Variants in TP73 observed in about 807,000 individuals in gnomAD.
TP73 encodes p53-like transcription factor.
A neutral mutation model predicts 62.5 loss-of-function variants in TP73; 25 were observed. That is an observed-to-expected ratio of 0.40 (90% confidence interval 0.29 to 0.56). The LOEUF is 0.56. Ranked by LOEUF, TP73 falls within the 20% of genes least tolerant of loss-of-function variation. The pLI, the probability that TP73 is intolerant of heterozygous loss-of-function variation, is 0.46. For missense variants in TP73, 754 were observed against 913.3 expected (o/e 0.83, Z 2.25); for synonymous variants, 423 against 377.5 (o/e 1.12, Z -1.40).
intron 12 of TP73, 71 bp from the exon 13 acceptor site, chr1:3,731,392 C>G (rs1570653815): frequency 2.0e-6 from 3 of 1,495,336 alleles, no homozygotes; most frequent in East Asian, 4.5e-5. Context: ...AGGCCACTCT[C>G]AGAGATGGGG....
rs1027903182 is a variant in TP73 at position 3,663,698 on chromosome 1, A to AC, written c.-34+11057_-34+11058insC. On this transcript the variant is annotated intron_variant, in intron 1 of 13. Coordinates refer to ENST00000378295, the MANE Select transcript of TP73 (RefSeq NM_005427.4). The surrounding 1 kb of genome is among the most constrained non-coding windows in gnomAD (Gnocchi z 4.7). ...GCAACAATGCGAGACTCCATCTCAA[A>AC]AAAAAAAAAAAAGAAAGAAAGAAAG... 7.6e-4 allele frequency among the ~76,000 whole-genome samples: 107 copies of AC among 141,560 alleles called. No individual in the cohort carries two copies. The highest frequency in any genetic ancestry group is 3.6e-3 in the Middle Eastern group (1 of 280). 92.9% of individuals were successfully genotyped at this position (141,560 alleles called of 152,430 possible).
At chr1:3,675,674 C>A (rs986663307) in intron 1 of TP73, among the ~76,000 whole-genome samples, 1 of 152,152 alleles carries the variant, frequency 6.6e-6, no homozygotes, top group Non-Finnish European at 1.5e-5. Flanking sequence ...AGCAGCCCTG[C>A]GGCCAGGGCC....
intron 1 of TP73, among the ~76,000 whole-genome samples, chr1:3,664,930 C>G (rs1209287975): frequency 1.3e-5 from 2 of 152,200 alleles, no homozygotes; most frequent in Non-Finnish European, 1.5e-5. Context: ...ACCATCCTCT[C>G]TTTATGGTCC....
intron 4 of TP73, among the ~76,000 whole-genome samples, chr1:3,714,480 GCT>G (rs1640428581): frequency 6.6e-6 from 1 of 152,244 alleles, no homozygotes; most frequent in African/African-American, 2.4e-5. Context: ...GATGGTGGGG[GCT>G]TCCTCCCCAG....
intron 1 of TP73, among the ~76,000 whole-genome samples, chr1:3,674,904 C>A (rs1406054389): frequency 6.6e-6 from 1 of 152,242 alleles, no homozygotes; most frequent in Non-Finnish European, 1.5e-5. Flanking sequence ...CCGCCCGACC[C>A]CTCTGCCCAG....
intron 1 of TP73, among the ~76,000 whole-genome samples, chr1:3,657,032 C>T (rs1644880205): frequency 2.6e-5 from 4 of 152,220 alleles, no homozygotes; most frequent in Non-Finnish European, 5.9e-5. Flanking sequence ...CTCAGGCTTA[C>T]GACTTAATGT....
chr1:3,726,210 GGGGT>G (rs1482513589), intron 6 of TP73, among the ~76,000 whole-genome samples: 12 of 135,576 alleles, frequency 8.9e-5, no homozygotes, highest in Non-Finnish European at 1.1e-4. Context: ...ATGGATGAAT[GGGGT>G]GGGTGGGTGG....
intron 4 of TP73, among the ~76,000 whole-genome samples, chr1:3,709,482 T>C (rs1639953746): frequency 6.6e-6 from 1 of 152,228 alleles, no homozygotes. Context: ...AGGAGGCCCA[T>C]GCGTTGTCTT....
rs372438767 is a variant in TP73, at chr1:3,712,075, T to A, written c.429+4284T>A. 3 of 152,086 alleles carry A rather than the reference T, an allele frequency of 2.0e-5. No individual in the cohort carries two copies. In the East Asian group the frequency reaches 5.8e-4, roughly 29 times the overall value. The allele number at this position is 152,086 out of a possible 1,614,324, so 9.4% of individuals were successfully genotyped here. The stretch of plus-strand genomic sequence containing the variant: ...CGGAGGCTTGCAAGCAGGAGAATAA[T>A]AGCGGAGGTGTCCCAACACGATCAT... On this transcript the variant is annotated intron_variant, in intron 4 of 13. Coordinates refer to ENST00000378295, the MANE Select transcript of TP73 (RefSeq NM_005427.4).
chr1:3,654,418 G>A (rs1282979916), intron 1 of TP73, among the ~76,000 whole-genome samples: 1 of 152,214 alleles, frequency 6.6e-6, no homozygotes, highest in Non-Finnish European at 1.5e-5. Context: ...AAGCTGGTCT[G>A]GCACAGTGGT....
chr1:3,689,563 G>T (rs1645754282), intron 3 of TP73, among the ~76,000 whole-genome samples: 1 of 152,052 alleles, frequency 6.6e-6, no homozygotes, highest in Non-Finnish European at 1.5e-5. Context: ...AACCTCCCCT[G>T]CCCTCACCCA....
In TP73 at chr1:3,728,180, A is replaced by G; in HGVS notation, c.1037A>G (p.Lys346Arg). The G allele has an allele frequency of 1.2e-6, 2 of 1,612,078 alleles. No homozygotes were observed. Among genetic ancestry groups the G allele is most frequent in the South Asian group, 1.1e-5 (1 of 91,088 alleles). Residue 346 changes from lysine (K) to arginine (R), a missense_variant, in exon 9 of 14, where the codon AAG becomes AGG. Physicochemically the swap from Lys to Arg is conservative, Grantham distance 26. This residue lies in a region of TP73 where 458 missense variants were observed against 528.7 expected (regional missense o/e 0.87). Transcript: ENST00000378295. ...CCCGCCCTTGGTGCCGGTGTGAAGA[A>G]GCGGCGGCATGGAGACGAGGACACG... The part of the protein sequence containing the change: ...AVPALGAGVK[K>R]RRHGDEDTYY...
intron 8 of TP73, 76 bp from the exon 9 acceptor site, chr1:3,728,053 G>T: frequency 3.5e-6 from 5 of 1,443,706 alleles, no homozygotes; most frequent in Non-Finnish European, 4.7e-6. Flanking sequence ...GGTGGGGCAG[G>T]TCTCCCTCCT....
intron 3 of TP73, 56 bp from the exon 4 acceptor site, chr1:3,707,493 G>C (rs1639761122): frequency 6.4e-7 from 1 of 1,572,468 alleles, no homozygotes. Flanking sequence ...TCCTAGACGG[G>C]ACAGGACGAC....
intron 1 of TP73, among the ~76,000 whole-genome samples, chr1:3,661,107 C>A (rs1210524817): frequency 6.6e-6 from 1 of 151,942 alleles, no homozygotes; most frequent in African/African-American, 2.4e-5. Context: ...TATTTAATAT[C>A]TTTTTATTTT....
intron 1 of TP73, among the ~76,000 whole-genome samples, chr1:3,657,565 A>G (rs1644890572): frequency 6.6e-6 from 1 of 152,226 alleles, no homozygotes; most frequent in Admixed American, 6.5e-5. Context: ...GCTATGTTTC[A>G]GTAACTCGTG....
chr1:3,673,972 G>A (rs575645035), intron 1 of TP73, among the ~76,000 whole-genome samples: 3 of 152,166 alleles, frequency 2.0e-5, no homozygotes, highest in East Asian at 1.9e-4. Flanking sequence ...TGCTGGGTTC[G>A]ACCTCCACCC....
At chr1:3,700,430 G>A (rs1639060570) in intron 3 of TP73, among the ~76,000 whole-genome samples, 1 of 151,768 alleles carries the variant, frequency 6.6e-6, no homozygotes, top group Admixed American at 6.6e-5. Context: ...AAGGCACTGT[G>A]GATACCGGGA....
At chr1:3,678,572 G>A (rs1374671404) in intron 1 of TP73, among the ~76,000 whole-genome samples, 5 of 152,260 alleles carry the variant, frequency 3.3e-5, no homozygotes, top group African/African-American at 9.6e-5. Context: ...CGTGGCTTCC[G>A]GTTCAAGTTC....
Sources: allele counts gnomAD v4.1 joint callset (sites outside exome capture counted in the v4.1 genomes callset), GRCh38; gene constraint gnomAD v4.1.1; regional missense constraint gnomAD v4.1.1; non-coding constraint Gnocchi (gnomAD v3.1); transcripts MANE v1.5; gene names NCBI Gene and HGNC (gene_info 2026-07-23, HGNC 2026-07-21).